Variants in HEPH observed in about 807,000 individuals in gnomAD.
HEPH encodes the protein hephaestin.
In HEPH, 69 loss-of-function variants were observed where a neutral mutation model predicts 80.8. That is an observed-to-expected ratio of 0.85 (90% confidence interval 0.70 to 1.04). HEPH has a LOEUF of 1.04. HEPH is among the 50% of genes least tolerant of loss of function. The pLI is 0.00. For missense variants in HEPH, 1,115 were observed against 891.3 expected (o/e 1.25, Z -3.20); for synonymous variants, 431 against 322.8 (o/e 1.34, Z -3.60).
intron 15 of HEPH, among the ~76,000 whole-genome samples, chrX:66,235,373 A>G: frequency 8.9e-6 from 1 of 112,068 alleles, no homozygotes. Flanking sequence ...TGATTTTTGA[A>G]TAAGGCGTAA....
At chrX:66,229,223 TATAG>T (rs2090019684) in intron 15 of HEPH, among the ~76,000 whole-genome samples, 1 of 112,083 alleles carries the variant, frequency 8.9e-6, no homozygotes, top group Non-Finnish European at 1.9e-5. Flanking sequence ...GATATAGATA[TATAG>T]ATATAGATGT....
At chrX:66,165,067 A>C (rs1248239275) in intron 1 of HEPH, among the ~76,000 whole-genome samples, 2 of 111,881 alleles carry the variant, frequency 1.8e-5, no homozygotes, top group Non-Finnish European at 3.8e-5. Flanking sequence ...GGTGATTGAA[A>C]AAGATGGTTT....
chrX:66,216,522 G>A (rs905862378), intron 15 of HEPH, among the ~76,000 whole-genome samples: 3 of 112,043 alleles, frequency 2.7e-5, no homozygotes, highest in Non-Finnish European at 3.8e-5. Flanking sequence ...GGAAAGGGGA[G>A]AGCACCACAT....
intron 15 of HEPH, among the ~76,000 whole-genome samples, chrX:66,243,899 G>T (rs1270020501): frequency 8.9e-6 from 1 of 111,970 alleles, no homozygotes; most frequent in Non-Finnish European, 1.9e-5. Flanking sequence ...GCCTGAAAAG[G>T]ATCTTAGGAT....
intron 15 of HEPH, among the ~76,000 whole-genome samples, chrX:66,247,691 G>A (rs186366682): frequency 9.0e-6 from 1 of 111,525 alleles, no homozygotes; most frequent in East Asian, 2.8e-4. Flanking sequence ...AAGTAAAAAG[G>A]AGTTGTGGGA....
At chrX:66,256,685 A>T (rs1194344940) in intron 17 of HEPH, among the ~76,000 whole-genome samples, 1 of 111,889 alleles carries the variant, frequency 8.9e-6, no homozygotes, top group African/African-American at 3.2e-5. Context: ...TAAAACCCTG[A>T]GTTTAGTCTG....
chrX:66,249,903 G>C (rs2090945049), intron 15 of HEPH, among the ~76,000 whole-genome samples: 1 of 111,624 alleles, frequency 9.0e-6, no homozygotes, highest in Non-Finnish European at 1.9e-5. Flanking sequence ...GGTGGGAGTG[G>C]TGAAGGGGAT....
In HEPH at chrX:66,189,801, A is replaced by G; in HGVS notation, c.926A>G (p.His309Arg). The G allele has an allele frequency of 3.3e-6, 4 of 1,211,307 alleles. No individual in the cohort carries two copies. The highest frequency in any genetic ancestry group is 4.5e-6 in the Non-Finnish European group (4 of 895,438). ...ATTGATGTCCACACAGCATTTTTCC[A>G]TGGACAGATGCTGACTACCCGTGGA... ...NEIDVHTAFF[H>R]GQMLTTRGHH... is the part of the protein sequence containing the mutation. Residue 309 changes from histidine to arginine, a missense_variant, in exon 6 of 21, where the codon CAT (histidine) becomes CGT (arginine). Coordinates refer to ENST00000343002, the MANE Select transcript of HEPH (RefSeq NM_001367233.3).
chrX:66,188,285 T>G, intron 4 of HEPH, 74 bp from the exon 5 acceptor site: 3 of 780,724 alleles, frequency 3.8e-6, no homozygotes, highest in Non-Finnish European at 5.4e-6. Flanking sequence ...TATTCCTTTC[T>G]TATGAGTACC....
chrX:66,248,393 C>T (rs767974695), intron 15 of HEPH, among the ~76,000 whole-genome samples: 45 of 111,980 alleles, frequency 4.0e-4, no homozygotes, highest in Middle Eastern at 4.6e-3. Context: ...CCTGCCCATT[C>T]GGCACTTAGC....
rs958766660 is a variant in HEPH at position 66,191,411 on chromosome X, A to G, written c.1064-719A>G. 2.7e-5 allele frequency among the ~76,000 whole-genome samples: 3 copies of G among 111,900 alleles called. No homozygotes were observed. In the Admixed American group the frequency reaches 2.8e-4, roughly 11 times the overall value. On this transcript the variant is annotated intron_variant, in intron 6 of 20. Coordinates refer to ENST00000343002, the MANE Select transcript of HEPH (RefSeq NM_001367233.3). The stretch of plus-strand genomic sequence containing the variant: ...AATAAATATTTTTTCCTCTCCCTTC[A>G]TCATACCTCAAGTTTCTAATTTACA...
intron 15 of HEPH, among the ~76,000 whole-genome samples, chrX:66,243,961 G>T (rs948918672): frequency 3.6e-5 from 4 of 111,630 alleles, no homozygotes; most frequent in Non-Finnish European, 7.5e-5. Flanking sequence ...TGAAATTCTT[G>T]GTTTGAATTT....
rs2091560353 is a variant in HEPH, at chrX:66,267,046, C to T, written c.*374C>T. 6.9e-6 allele frequency: 1 copy of T among 144,001 alleles called. No individual in the cohort carries two copies. The highest frequency in any genetic ancestry group is 2.1e-4 in the South Asian group (1 of 4,685). 11.9% of individuals were successfully genotyped at this position (144,001 alleles called of 1,213,427 possible). A position where few individuals can be genotyped will look rare whatever the true frequency, so the allele number is the denominator to read the frequency against. On this transcript the variant is annotated 3_prime_UTR_variant, in exon 21 of 21. Coordinates refer to ENST00000343002, the MANE Select transcript of HEPH (RefSeq NM_001367233.3). ...TCATTGATTGGGTTTCTACTTCTTT[C>T]AAGGACTCAGGAAATTTCACTTTGA...
chrX:66,258,751 A>G, intron 17 of HEPH, 89 bp from the exon 18 acceptor site: 1 of 701,395 alleles, frequency 1.4e-6, no homozygotes. Flanking sequence ...AAAAAAGATT[A>G]GGCCTAGGAT....
At chrX:66,197,948 G>A (rs1199323501) in intron 10 of HEPH, 54 bp downstream of exon 10, 1 of 1,049,335 alleles carries the variant, frequency 9.5e-7, no homozygotes, top group Admixed American at 2.6e-5. Context: ...ATGAAGCTGG[G>A]TTGCTGGATA....
rs184351745 is a variant in HEPH, at chrX:66,213,109, G to T, written c.2563+4863G>T. The stretch of plus-strand genomic sequence containing the variant: ...GCAGGTTAGTTACATATGTATACAT[G>T]TGACATGCTGGTGCGCTGTACCCAC... On this transcript the variant is annotated intron_variant, in intron 15 of 20. Transcript: ENST00000343002. Among the ~76,000 whole-genome samples the T allele has an allele frequency of 7.1e-3, 770 of 109,094 alleles. 13 individuals are homozygous for T. The highest frequency in any genetic ancestry group is 0.024 in the African/African-American group (717 of 29,954). 94.7% of individuals were successfully genotyped at this position (109,094 alleles called of 115,157 possible). A position where few individuals can be genotyped will look rare whatever the true frequency, so the allele number is the denominator to read the frequency against.
chrX:66,191,488 G>T (rs1202249741), intron 6 of HEPH, among the ~76,000 whole-genome samples: 5 of 111,873 alleles, frequency 4.5e-5, no homozygotes, highest in African/African-American at 1.3e-4. Context: ...TAATATAGCT[G>T]AGTGACCTCT....
At chrX:66,203,852 A>T (rs2147813070) in intron 13 of HEPH, among the ~76,000 whole-genome samples, 1 of 111,955 alleles carries the variant, frequency 8.9e-6, no homozygotes, top group African/African-American at 3.2e-5. Context: ...TGGGACTTAA[A>T]TTTTACAGGA....
At chrX:66,219,576 G>A in intron 15 of HEPH, among the ~76,000 whole-genome samples, 1 of 111,771 alleles carries the variant, frequency 8.9e-6, no homozygotes, top group Non-Finnish European at 1.9e-5. Context: ...AGTTGAGCAT[G>A]TAAATGGGGG....
Sources: gnomAD v4.1 joint callset for allele counts (sites outside exome capture counted in the v4.1 genomes callset) on GRCh38, gnomAD v4.1.1 for gene constraint, MANE v1.5 for transcripts, NCBI Gene and HGNC (gene_info 2026-07-23, HGNC 2026-07-21) for gene names.